SOX13: variants seen among roughly 807,000 people sequenced by gnomAD.
SOX13 encodes SRY-box transcription factor 13, also known as transcription factor SOX-13.
Under a neutral mutation model 71.8 loss-of-function variants are expected in SOX13, and 28 were observed. The observed-to-expected ratio is 0.39, with a 90% confidence interval of 0.29 to 0.53. The LOEUF (loss-of-function observed/expected upper bound fraction) is 0.53. Among genes scored for constraint, SOX13 ranks in the 20% least tolerant of loss-of-function variants. The pLI is 0.70. For synonymous variants in SOX13, 309 were observed against 317.8 expected, an observed-to-expected ratio of 0.97 and a Z score of 0.29; for missense variants, 627 against 810.3, an observed-to-expected ratio of 0.77 and a Z score of 2.75.
chr1:204,122,624 G>T, intron 9 of SOX13: 2 of 599,740 alleles, frequency 3.3e-6, no homozygotes, highest in Non-Finnish European at 5.9e-6. Flanking sequence ...AGTTCCAGGG[G>T]GTACTGTTGT....
intron 6 of SOX13, 87 bp downstream of exon 6, chr1:204,117,277 C>T: frequency 8.4e-7 from 1 of 1,195,616 alleles, no homozygotes; most frequent in Non-Finnish European, 1.2e-6. Context: ...AGGGGATGTG[C>T]ACCAAGTTAA....
In SOX13 at chr1:204,081,532, G is replaced by GTGGGGGT. The variant is rs576747189; in HGVS notation, c.-2+7828_-2+7834dup. On this transcript the variant is annotated intron_variant, in intron 1 of 13. Coordinates refer to ENST00000367204, the MANE Select transcript of SOX13 (RefSeq NM_005686.3). The surrounding 1 kb of genome is among the most constrained non-coding windows in gnomAD (Gnocchi z 4.3). Reference sequence around the variant, plus strand: ...ACGGACCCCCTGGCGGGCTCTGGGGGTGGGGGTTGGGGGGTTGCCTGGGAC... The same window carrying GTGGGGGT: ...ACGGACCCCCTGGCGGGCTCTGGGGGTGGGGGTTGGGGGTTGGGGGGTTGCCTGGGAC... Among the ~76,000 whole-genome samples the GTGGGGGT allele has an allele frequency of 1.9e-3, 291 of 152,304 alleles. 7 individuals carry two copies. In the East Asian group the frequency reaches 0.046, roughly 24 times the overall value.
At chr1:204,112,251 G>A (rs1347000723) in intron 1 of SOX13, among the ~76,000 whole-genome samples, 1 of 152,078 alleles carries the variant, frequency 6.6e-6, no homozygotes. Context: ...GACCAGCTTG[G>A]CCAACATGGC....
intron 6 of SOX13, 86 bp downstream of exon 6, chr1:204,117,276 G>A: frequency 8.3e-7 from 1 of 1,203,988 alleles, no homozygotes; most frequent in Admixed American, 1.8e-5. Context: ...CAGGGGATGT[G>A]CACCAAGTTA....
chr1:204,085,643 A>T (rs1264599577), intron 1 of SOX13, among the ~76,000 whole-genome samples: 1 of 151,668 alleles, frequency 6.6e-6, no homozygotes, highest in Non-Finnish European at 1.5e-5. Flanking sequence ...GCTGGTCAAG[A>T]ATGTAGGAAT....
chr1:204,105,398 G>A (rs1366687920), intron 1 of SOX13, among the ~76,000 whole-genome samples: 1 of 128,344 alleles, frequency 7.8e-6, no homozygotes, highest in Non-Finnish European at 1.6e-5. Flanking sequence ...GAAGGCCTCT[G>A]ACTCTGTATA....
intron 1 of SOX13, among the ~76,000 whole-genome samples, chr1:204,112,532 C>G (rs1378508952): frequency 2.0e-5 from 3 of 151,392 alleles, no homozygotes; most frequent in Non-Finnish European, 1.5e-5. Flanking sequence ...CACACACTTT[C>G]TCTCTCTCGC....
At chr1:204,100,363 A>T (rs989365398) in intron 1 of SOX13, among the ~76,000 whole-genome samples, 6 of 152,106 alleles carry the variant, frequency 3.9e-5, no homozygotes, top group African/African-American at 1.4e-4. Context: ...CCTGGGTTGT[A>T]TTTCATCTTA....
chr1:204,095,103 TC>T (rs1558213509), intron 1 of SOX13, among the ~76,000 whole-genome samples: 2 of 152,264 alleles, frequency 1.3e-5, no homozygotes, highest in South Asian at 4.1e-4. Flanking sequence ...TAAACCTCCT[TC>T]CACGGCCCTG....
intron 1 of SOX13, among the ~76,000 whole-genome samples, chr1:204,091,962 G>T (rs990042302): frequency 6.6e-6 from 1 of 151,842 alleles, no homozygotes; most frequent in South Asian, 2.1e-4. Flanking sequence ...TCTTTCTTTC[G>T]TTCTCTGTCT....
intron 2 of SOX13, 103 bp from the exon 3 acceptor site, chr1:204,114,218 G>C: frequency 1.4e-6 from 1 of 693,852 alleles, no homozygotes; most frequent in South Asian, 1.9e-5. Flanking sequence ...GACTTGGATA[G>C]GGCTGGGATC....
intron 1 of SOX13, among the ~76,000 whole-genome samples, chr1:204,112,538 C>T (rs75555893): frequency 0.017 from 2,564 of 150,510 alleles, 71 homozygotes; most frequent in African/African-American, 0.055. Flanking sequence ...CTTTCTCTCT[C>T]TCGCTGTCGC....
intron 1 of SOX13, among the ~76,000 whole-genome samples, chr1:204,098,488 T>G (rs778789955): frequency 1.6e-4 from 24 of 151,628 alleles, no homozygotes; most frequent in African/African-American, 4.4e-4. Context: ...AAAAAAAAAT[T>G]TTGTTGTTGT....
chr1:204,123,413 C>A lies in SOX13; in HGVS notation c.1231+205C>A, dbSNP rs1656852641. The stretch of plus-strand genomic sequence containing the variant: ...AAGTTTTGTGACTGCTGAGTTTCTG[C>A]TCTCTCTTGAGGCCATACCGCTGTG... On this transcript the variant is annotated intron_variant, in intron 11 of 13. Transcript: ENST00000367204. The surrounding 1 kb of genome is among the most constrained non-coding windows in gnomAD (Gnocchi z 5.0). Among the ~76,000 whole-genome samples, 1 of 152,200 alleles carries A rather than the reference C, an allele frequency of 6.6e-6. No individual in the cohort carries two copies. Among genetic ancestry groups the A allele is most frequent in the Admixed American group, 6.5e-5 (1 of 15,288 alleles).
At chr1:204,116,429 T>G in intron 4 of SOX13, 78 bp from the exon 5 acceptor site, 1 of 1,612,342 alleles carries the variant, frequency 6.2e-7, no homozygotes, top group Non-Finnish European at 8.5e-7. Context: ...AAGTTTCTGA[T>G]GGATGGGTGG....
rs1655722089 is a variant in SOX13 at position 204,073,769 on chromosome 1, G to T, written c.-2+58G>T. ...GTCGCGCCCATTTCCCCAGCTCTCT[G>T]AAGTTTGACACTTGCGCCCCTACGT... On this transcript the variant is annotated intron_variant, in intron 1 of 13. Coordinates refer to ENST00000367204, the MANE Select transcript of SOX13 (RefSeq NM_005686.3). The surrounding 1 kb of genome is among the most constrained non-coding windows in gnomAD (Gnocchi z 6.8). 1 of 152,386 alleles carries T rather than the reference G, an allele frequency of 6.6e-6. No homozygotes were observed. The highest frequency in any genetic ancestry group is 2.4e-5 in the African/African-American group (1 of 41,576). The allele number at this position is 152,386 out of a possible 1,614,324, so 9.4% of individuals were successfully genotyped here.
At chr1:204,124,159 T>A (rs926686242) in intron 12 of SOX13, among the ~76,000 whole-genome samples, 8 of 152,182 alleles carry the variant, frequency 5.3e-5, no homozygotes, top group Non-Finnish European at 7.3e-5. Flanking sequence ...AAGATTTTTT[T>A]AAATTATATG....
Position 204,126,556 on chromosome 1 carries a change from G to T in SOX13, c.*422G>T, listed in dbSNP as rs1293687347. On this transcript the variant is annotated 3_prime_UTR_variant, in exon 14 of 14. Transcript: ENST00000367204. ...CACCCCTCCCACACTCCCCCAGACTGCTCGTCTATCACCAGGATCGCTTTG... is the reference window on the plus strand; with the variant it reads ...CACCCCTCCCACACTCCCCCAGACTTCTCGTCTATCACCAGGATCGCTTTG... The T allele has an allele frequency of 8.9e-6, 2 of 225,354 alleles. No homozygotes were observed. The highest frequency in any genetic ancestry group is 1.8e-5 in the Non-Finnish European group (2 of 112,928). 14.0% of individuals were successfully genotyped at this position (225,354 alleles called of 1,614,324 possible).
chr1:204,084,381 A>C (rs1005008176), intron 1 of SOX13, among the ~76,000 whole-genome samples: 1 of 152,068 alleles, frequency 6.6e-6, no homozygotes, highest in Non-Finnish European at 1.5e-5. Flanking sequence ...GCTGGCATTA[A>C]ATGCCTTTGC....
Sources: gnomAD v4.1 joint callset for allele counts (sites outside exome capture counted in the v4.1 genomes callset) on GRCh38, gnomAD v4.1.1 for gene constraint, Gnocchi (gnomAD v3.1) non-coding constraint, MANE v1.5 for transcripts, NCBI Gene and HGNC (gene_info 2026-07-23, HGNC 2026-07-21) for gene names.